The following CA12 variants were observed in gnomAD, a reference collection of about 807,000 sequenced individuals.
The protein encoded by CA12 is carbonate dehydratase XII.
A neutral mutation model predicts 46.8 loss-of-function variants in CA12; 36 were observed. The ratio of observed to expected loss-of-function variants is 0.77; its 90% CI spans 0.59 to 1.02. The LOEUF is 1.02. Among genes scored for constraint, CA12 ranks in the 50% least tolerant of loss-of-function variants. The pLI, the probability that CA12 is intolerant of heterozygous loss-of-function variation, is 0.00. For missense variants in CA12, 436 were observed against 451.4 expected (o/e 0.97, Z 0.31); for synonymous variants, 202 against 187.0 (o/e 1.08, Z -0.65).
intron 1 of CA12, among the ~76,000 whole-genome samples, chr15:63,379,262 G>A (rs1202647916): frequency 6.6e-6 from 1 of 152,118 alleles, no homozygotes. Context: ...GGAGGGCTGG[G>A]GAGAAGCGGC....
rs141302832 is a variant in CA12, at chr15:63,327,910, T to C, written c.907+188A>G. 1.3e-5 allele frequency among the ~76,000 whole-genome samples: 2 copies of C among 152,190 alleles called. No individual in the cohort carries two copies. The highest frequency in any genetic ancestry group is 2.4e-5 in the African/African-American group (1 of 41,440). On this transcript the variant is annotated intron_variant, in intron 9 of 10. Coordinates refer to ENST00000178638, the MANE Select transcript of CA12 (RefSeq NM_001218.5). This position sits in a 1 kb window ranked among gnomAD's most constrained non-coding sequence, Gnocchi z 4.5. ...GCTGTAGAGTGATTGGATCTTTCAT[T>C]AGAGGAACATTTGATTGGCAGTTCA...
rs557580145 is a variant in CA12, at chr15:63,341,746, A to G, written c.525+256T>C. 5.3e-5 allele frequency among the ~76,000 whole-genome samples: 8 copies of G among 152,216 alleles called. No individual in the cohort carries two copies. The highest frequency in any genetic ancestry group is 1.2e-4 in the Non-Finnish European group (8 of 68,032). ...AACTGGGCAATTCCATGCCTTATGC[A>G]ACAGGGCTAGATGTTGGGGCCCGTT... On this transcript the variant is annotated intron_variant, in intron 5 of 10. Transcript: ENST00000178638. This position sits in a 1 kb window ranked among gnomAD's most constrained non-coding sequence, Gnocchi z 5.2.
At chr15:63,365,391 A>T (rs1022035918) in intron 2 of CA12, among the ~76,000 whole-genome samples, 3 of 152,230 alleles carry the variant, frequency 2.0e-5, no homozygotes, top group African/African-American at 7.2e-5. Context: ...GGACTGGGAA[A>T]GAGCACCGGG....
intron 8 of CA12, among the ~76,000 whole-genome samples, chr15:63,334,277 A>G (rs1256315533): frequency 1.2e-5 from 1 of 86,402 alleles, no homozygotes; most frequent in African/African-American, 6.0e-5. Context: ...TTTTTTTCAG[A>G]TGGAGTATCA....
rs1165526818 is a variant in CA12, at chr15:63,381,811, G to C, written c.-91C>G. 1 of 845,758 alleles carries C rather than the reference G, an allele frequency of 1.2e-6. No homozygotes were observed. 52.4% of individuals were successfully genotyped at this position (845,758 alleles called of 1,614,324 possible). A position where few individuals can be genotyped will look rare whatever the true frequency, so the allele number is the denominator to read the frequency against. Reference sequence around the variant, plus strand: ...AGCTGCACACCGGGACCGCGTGCGCGCAGCCTGGGTGCCGTGGCGAGTACG... The same window carrying C: ...AGCTGCACACCGGGACCGCGTGCGCCCAGCCTGGGTGCCGTGGCGAGTACG... On this transcript the variant is annotated 5_prime_UTR_variant, in exon 1 of 11. Coordinates refer to ENST00000178638, the MANE Select transcript of CA12 (RefSeq NM_001218.5).
intron 2 of CA12, among the ~76,000 whole-genome samples, chr15:63,351,020 C>T (rs2152619900): frequency 6.6e-6 from 1 of 152,286 alleles, no homozygotes; most frequent in Middle Eastern, 3.4e-3. Context: ...TTACCGAATC[C>T]AATTAGAATT....
intron 4 of CA12, among the ~76,000 whole-genome samples, chr15:63,342,767 G>T (rs1353627798): frequency 1.3e-5 from 2 of 152,036 alleles, no homozygotes; most frequent in Non-Finnish European, 2.9e-5. Flanking sequence ...ATTTATTTTT[G>T]GTTTACACAA....
rs1463021406 is a variant in CA12 at position 63,372,687 on chromosome 15, T to C, written c.106+2971A>G. On this transcript the variant is annotated intron_variant, in intron 2 of 10. Transcript: ENST00000178638. The surrounding 1 kb of genome is among the most constrained non-coding windows in gnomAD (Gnocchi z 4.5). The stretch of plus-strand genomic sequence containing the variant: ...ACTTATGCTGGGCCCTCTGTCTACC[T>C]GTGCAGCCCTGAGCACAGGTGCCAG... Among the ~76,000 whole-genome samples the C allele has an allele frequency of 1.3e-5, 2 of 152,180 alleles. No homozygotes were observed. Among genetic ancestry groups the C allele is most frequent in the Non-Finnish European group, 2.9e-5 (2 of 68,028 alleles).
Position 63,327,295 on chromosome 15 carries a change from C to A in CA12, c.908-62G>T. 3 of 1,323,760 alleles carry A rather than the reference C, an allele frequency of 2.3e-6. No individual in the cohort carries two copies. Among genetic ancestry groups the A allele is most frequent in the Non-Finnish European group, 3.2e-6 (3 of 934,344 alleles). 82.0% of individuals were successfully genotyped at this position (1,323,760 alleles called of 1,614,324 possible). ...CCTTCCCCTCCATCTTAGCCCATGG[C>A]CCCCGGGTGTGAAATCATGGCCCAG... On this transcript the variant is annotated intron_variant, in intron 9 of 10. Coordinates refer to ENST00000178638, the MANE Select transcript of CA12 (RefSeq NM_001218.5). The surrounding 1 kb of genome is among the most constrained non-coding windows in gnomAD (Gnocchi z 4.5).
chr15:63,326,385 G>T (rs1395157720), intron 10 of CA12, 28 bp from the exon 11 acceptor site: 1 of 1,585,322 alleles, frequency 6.3e-7, no homozygotes, highest in East Asian at 2.2e-5. Context: ...CATAACTCTT[G>T]TTAGAGAGGA....
chr15:63,353,178 G>A (rs887853539), intron 2 of CA12, among the ~76,000 whole-genome samples: 11 of 152,120 alleles, frequency 7.2e-5, no homozygotes, highest in Admixed American at 7.2e-4. Flanking sequence ...TCTGCAATGA[G>A]CGCTGCAAAG....
In CA12 at chr15:63,348,824, GC is replaced by G. The variant is rs780356991; in HGVS notation, c.107-2116del. On this transcript the variant is annotated intron_variant, in intron 2 of 10. Coordinates refer to ENST00000178638, the MANE Select transcript of CA12 (RefSeq NM_001218.5). The surrounding 1 kb of genome is among the most constrained non-coding windows in gnomAD (Gnocchi z 4.6). Reference sequence around the variant, plus strand: ...ACCCATATTATAAGTAGGGTCACGTGCCCCCATGGGCATTTAGGAAACATTT... The same window carrying G: ...ACCCATATTATAAGTAGGGTCACGTGCCCCATGGGCATTTAGGAAACATTT... Among the ~76,000 whole-genome samples, 61 of 152,330 alleles carry G rather than the reference GC, an allele frequency of 4.0e-4. No individual in the cohort carries two copies. Among genetic ancestry groups the G allele is most frequent in the Non-Finnish European group, 7.1e-4 (48 of 68,034 alleles).
chr15:63,361,203 C>A (rs962367056), intron 2 of CA12, among the ~76,000 whole-genome samples: 1 of 152,208 alleles, frequency 6.6e-6, no homozygotes, highest in East Asian at 1.9e-4. Context: ...TAGCCCCCAA[C>A]GGAGCAGTCC....
At chr15:63,367,867 AAATT>A (rs2039455264) in intron 2 of CA12, among the ~76,000 whole-genome samples, 1 of 152,184 alleles carries the variant, frequency 6.6e-6, no homozygotes, top group Non-Finnish European at 1.5e-5. Flanking sequence ...ACTAGTGCCT[AAATT>A]ACTTTGTTTT....
intron 2 of CA12, among the ~76,000 whole-genome samples, chr15:63,370,453 A>G (rs1293931851): frequency 2.0e-5 from 3 of 149,612 alleles, no homozygotes; most frequent in Admixed American, 6.7e-5. Flanking sequence ...AAAAAAAAAA[A>G]AAAAAGAAAA....
At chr15:63,336,543 CTTTTTTTTTTTTT>C (rs71998323) in intron 8 of CA12, among the ~76,000 whole-genome samples, 2 of 86,182 alleles carry the variant, frequency 2.3e-5, no homozygotes. Flanking sequence ...TCCAACCTGG[CTTTTTTTTTTTTT>C]TTTTTTTTTT....
At position 63,346,688 on chromosome 15, in the gene CA12, C is replaced by A; in HGVS notation, c.128G>T (p.Trp43Leu). 6.2e-7 allele frequency: 1 copy of A among 1,614,182 alleles called. No individual in the cohort carries two copies. Residue 43 changes from tryptophan to leucine, a missense_variant, in exon 3 of 11, where the codon TGG becomes TTG. Coordinates refer to ENST00000178638, the MANE Select transcript of CA12 (RefSeq NM_001218.5). ...CCCACACGACGGGTACTTCTTGGAC[C>A]AGCTATTCTCCCCATCAGGACCTGG... ...TYFGPDGENSWSKKYPSCGGL... is the reference protein window; with the variant it reads ...TYFGPDGENSLSKKYPSCGGL...
chr15:63,361,796 T>C (rs925697665), intron 2 of CA12, among the ~76,000 whole-genome samples: 3 of 152,074 alleles, frequency 2.0e-5, no homozygotes, highest in Admixed American at 6.5e-5. Flanking sequence ...CCTCCTGGCA[T>C]TGAGGAGGCA....
intron 8 of CA12, among the ~76,000 whole-genome samples, chr15:63,337,294 G>A (rs951415363): frequency 1.3e-5 from 2 of 152,176 alleles, no homozygotes; most frequent in Non-Finnish European, 1.5e-5. Context: ...AGTTTCTAAA[G>A]CTTCCTGGAA....
Sources: allele counts gnomAD v4.1 joint callset (sites outside exome capture counted in the v4.1 genomes callset), GRCh38; gene constraint gnomAD v4.1.1; non-coding constraint Gnocchi (gnomAD v3.1); transcripts MANE v1.5; gene names NCBI Gene and HGNC (gene_info 2026-07-23, HGNC 2026-07-21).